KCND3: variants seen among roughly 807,000 people sequenced by gnomAD.
KCND3 encodes the protein A-type voltage-gated potassium channel KCND3.
In KCND3, 9 loss-of-function variants were observed where a neutral mutation model predicts 51.1. That is an observed-to-expected ratio of 0.18 (90% CI 0.11 to 0.31). The LOEUF (loss-of-function observed/expected upper bound fraction) is 0.31, where lower values mean the gene tolerates loss of function less well. Ranked by LOEUF, KCND3 falls within the 10% of genes least tolerant of loss-of-function variation. The pLI is 1.00. For missense variants in KCND3, 526 were observed against 903.8 expected (o/e 0.58, Z 5.36); for synonymous variants, 349 against 368.0 (o/e 0.95, Z 0.59).
chr1:111,893,116 C>T (rs1669923369), intron 2 of KCND3, among the ~76,000 whole-genome samples: 1 of 152,172 alleles, frequency 6.6e-6, no homozygotes, highest in Admixed American at 6.5e-5. Context: ...AAGACCATCC[C>T]CACCCTCTGA....
intron 2 of KCND3, among the ~76,000 whole-genome samples, chr1:111,822,568 C>A (rs547805771): frequency 5.2e-4 from 79 of 152,320 alleles, no homozygotes; most frequent in Admixed American, 9.1e-4. Context: ...GAATAATATT[C>A]CACTGTAAGG....
intron 3 of KCND3, among the ~76,000 whole-genome samples, chr1:111,784,602 T>C (rs1664529618): frequency 6.6e-6 from 1 of 152,224 alleles, no homozygotes; most frequent in African/African-American, 2.4e-5. Flanking sequence ...ATTAGTTTCC[T>C]TCCCATCCCA....
chr1:111,981,690 G>A lies in KCND3; in HGVS notation c.1037C>T (p.Ser346Phe). 6.2e-7 allele frequency: 1 copy of A among 1,614,150 alleles called. No individual in the cohort carries two copies. Residue 346 changes from serine to phenylalanine, a missense_variant, in exon 2 of 8, where the codon TCC (serine) becomes TTC (phenylalanine). Coordinates refer to ENST00000302127, the MANE Select transcript of KCND3 (RefSeq NM_001378969.1). This position sits in a 1 kb window ranked among gnomAD's most constrained non-coding sequence, Gnocchi z 6.2. ...ATVMFYAEKGSSASKFTSIPA... is the reference protein window; with the variant it reads ...ATVMFYAEKGFSASKFTSIPA... ...GATGCTTGTGAACTTGCTGGCCGAG[G>A]AGCCCTTCTCGGCATAAAACATCAC...
intron 2 of KCND3, among the ~76,000 whole-genome samples, chr1:111,808,499 C>G (rs1447911052): frequency 6.6e-6 from 1 of 152,228 alleles, no homozygotes; most frequent in African/African-American, 2.4e-5. Context: ...AGAGGTATTG[C>G]TCCGAGGAAA....
At chr1:111,855,282 T>A (rs1293949758) in intron 2 of KCND3, among the ~76,000 whole-genome samples, 1 of 152,148 alleles carries the variant, frequency 6.6e-6, no homozygotes, top group African/African-American at 2.4e-5. Context: ...TATATTCCCC[T>A]CATGGGGACA....
At chr1:111,788,835 T>G (rs1664715676) in intron 2 of KCND3, among the ~76,000 whole-genome samples, 1 of 152,200 alleles carries the variant, frequency 6.6e-6, no homozygotes, top group Non-Finnish European at 1.5e-5. Context: ...TCGTTGTCTG[T>G]AAAATGAAGA....
chr1:111,942,165 A>G (rs752129455), intron 2 of KCND3, among the ~76,000 whole-genome samples: 8 of 152,208 alleles, frequency 5.3e-5, no homozygotes, highest in Non-Finnish European at 8.8e-5. Context: ...CAGGTCCTGT[A>G]CTAAAAATTG....
At chr1:111,897,286 G>A (rs574129427) in intron 2 of KCND3, among the ~76,000 whole-genome samples, 2 of 152,340 alleles carry the variant, frequency 1.3e-5, no homozygotes, top group African/African-American at 4.8e-5. Flanking sequence ...TCACAGCCTA[G>A]AGAAGGGAAT....
chr1:111,941,444 G>A (rs1672516776), intron 2 of KCND3, among the ~76,000 whole-genome samples: 1 of 152,160 alleles, frequency 6.6e-6, no homozygotes, highest in African/African-American at 2.4e-5. Context: ...GAGCTGGGGG[G>A]CTTAGCTCCA....
chr1:111,979,861 G>A (rs537126734), intron 2 of KCND3, among the ~76,000 whole-genome samples: 1 of 152,290 alleles, frequency 6.6e-6, no homozygotes, highest in South Asian at 2.1e-4. Context: ...CACCATGCCT[G>A]TTTTCCTCCA....
intron 2 of KCND3, among the ~76,000 whole-genome samples, chr1:111,966,636 C>T (rs1291200400): frequency 2.0e-5 from 3 of 152,198 alleles, no homozygotes; most frequent in Admixed American, 2.0e-4. Context: ...TGTGCCAGGA[C>T]AGATGTATCA....
chr1:111,833,289 T>C (rs1303986485), intron 2 of KCND3, among the ~76,000 whole-genome samples: 2 of 152,236 alleles, frequency 1.3e-5, no homozygotes, highest in African/African-American at 4.8e-5. Flanking sequence ...CTGGAAACCT[T>C]TTAGAATCTG....
rs114409315 is a variant in KCND3 at position 111,770,728 on chromosome 1, C to A, written c.*5349G>T. 2.6e-5 allele frequency: 4 copies of A among 151,938 alleles called. No homozygotes were observed. The highest frequency in any genetic ancestry group is 5.9e-5 in the Non-Finnish European group (4 of 68,012). 9.4% of individuals were successfully genotyped at this position (151,938 alleles called of 1,614,324 possible). On this transcript the variant is annotated 3_prime_UTR_variant, in exon 8 of 8. Coordinates refer to ENST00000302127, the MANE Select transcript of KCND3 (RefSeq NM_001378969.1). ...ATACATCAGGTACAGCAGTGGCACA[C>A]GACTCAATACTGTAAATGATATACA...
intron 2 of KCND3, among the ~76,000 whole-genome samples, chr1:111,942,464 A>G (rs763769561): frequency 4.6e-5 from 7 of 152,352 alleles, no homozygotes; most frequent in Non-Finnish European, 8.8e-5. Context: ...CATGCCAGGC[A>G]GGCACCTCAA....
rs143301261 is a variant in KCND3 at position 111,830,130 on chromosome 1, T to C, written c.1107-43024A>G. 3.5e-4 allele frequency among the ~76,000 whole-genome samples: 54 copies of C among 152,320 alleles called. 1 individual carries two copies. Among genetic ancestry groups the C allele is most frequent in the African/African-American group, 1.2e-3 (51 of 41,562 alleles). On this transcript the variant is annotated intron_variant, in intron 2 of 7. Transcript: ENST00000302127. ...CTGCTTCCCCACAATGTGAGCTCTA[T>C]GAGAACAGAAACCTCTGTTCACTGT...
At chr1:111,978,565 G>T (rs1674770223) in intron 2 of KCND3, among the ~76,000 whole-genome samples, 1 of 152,204 alleles carries the variant, frequency 6.6e-6, no homozygotes, top group African/African-American at 2.4e-5. Flanking sequence ...AGAGGGAAAA[G>T]TTTCCAAGGT....
Position 111,897,251 on chromosome 1 carries a change from C to A in KCND3, c.1106+84370G>T, listed in dbSNP as rs138449384. On this transcript the variant is annotated intron_variant, in intron 2 of 7. Coordinates refer to ENST00000302127, the MANE Select transcript of KCND3 (RefSeq NM_001378969.1). ...GACAGTCCAACAGTCCCAGGGCGGC[C>A]TGCCTCTCTGCACCCTGGTGGTCCT... 2.2e-4 allele frequency among the ~76,000 whole-genome samples: 34 copies of A among 152,350 alleles called. No individual in the cohort carries two copies. In the East Asian group the frequency reaches 6.4e-3, roughly 28 times the overall value.
intron 2 of KCND3, among the ~76,000 whole-genome samples, chr1:111,860,456 T>C (rs1004326565): frequency 6.6e-6 from 1 of 152,060 alleles, no homozygotes; most frequent in African/African-American, 2.4e-5. Context: ...AAGACCAACA[T>C]TGTGCATCCA....
At chr1:111,870,488 G>A (rs1333508516) in intron 2 of KCND3, among the ~76,000 whole-genome samples, 2 of 152,174 alleles carry the variant, frequency 1.3e-5, no homozygotes, top group Non-Finnish European at 2.9e-5. Flanking sequence ...AAGGCTTATG[G>A]CTTCAATTAG....
Sources: gnomAD v4.1 joint callset for allele counts (sites outside exome capture counted in the v4.1 genomes callset) on GRCh38, gnomAD v4.1.1 for gene constraint, Gnocchi (gnomAD v3.1) non-coding constraint, MANE v1.5 for transcripts, NCBI Gene and HGNC (gene_info 2026-07-23, HGNC 2026-07-21) for gene names.